Variants in ACTL6A observed in about 807,000 individuals in gnomAD.
ACTL6A encodes actin like 6A.
ACTL6A carries 5 observed loss-of-function variants against 59.2 expected under a neutral mutation model. That is an observed-to-expected ratio of 0.08 (90% CI 0.04 to 0.18). The LOEUF (loss-of-function observed/expected upper bound fraction) is 0.18, where lower values mean the gene tolerates loss of function less well. Among genes scored for constraint, ACTL6A ranks in the 10% least tolerant of loss-of-function variants. ACTL6A has a pLI of 1.00. For synonymous variants in ACTL6A, 154 were observed against 171.8 expected (o/e 0.90, Z 0.81); for missense variants, 285 against 526.9 (o/e 0.54, Z 4.49).
At chr3:179,563,880 G>A (rs1245707291) in intron 1 of ACTL6A, among the ~76,000 whole-genome samples, 1 of 152,096 alleles carries the variant, frequency 6.6e-6, no homozygotes, top group East Asian at 1.9e-4. Context: ...AGGTGCCGGG[G>A]GTTACAGACC....
chr3:179,562,997 G>A lies in ACTL6A; in HGVS notation c.-96G>A. ...AGGTGGGTGGCGGTGGAAGTTAAGGGAGTCAGGGGCTATCGCTCCTCGAGA... is the reference window on the plus strand; with the variant it reads ...AGGTGGGTGGCGGTGGAAGTTAAGGAAGTCAGGGGCTATCGCTCCTCGAGA... On this transcript the variant is annotated 5_prime_UTR_variant, in exon 1 of 14. Coordinates refer to ENST00000429709, the MANE Select transcript of ACTL6A (RefSeq NM_004301.5). 6.6e-7 allele frequency: 1 copy of A among 1,513,236 alleles called. No individual in the cohort carries two copies. Among genetic ancestry groups the A allele is most frequent in the Non-Finnish European group, 9.0e-7 (1 of 1,114,268 alleles). The allele number at this position is 1,513,236 out of a possible 1,614,324, so 93.7% of individuals were successfully genotyped here.
intron 8 of ACTL6A, among the ~76,000 whole-genome samples, chr3:179,578,960 G>A (rs1718251759): frequency 6.6e-6 from 1 of 152,020 alleles, no homozygotes; most frequent in Non-Finnish European, 1.5e-5. Context: ...GGCCAGGCTG[G>A]TCTCTAACCC....
intron 4 of ACTL6A, 143 bp from the exon 5 acceptor site, chr3:179,574,225 GAT>G (rs1718100261): frequency 2.2e-6 from 1 of 445,488 alleles, no homozygotes; most frequent in Admixed American, 3.8e-5. Context: ...ATTTTTATGA[GAT>G]ATTATGAAAG....
intron 9 of ACTL6A, 75 bp downstream of exon 9, chr3:179,580,776 GT>G: frequency 7.3e-7 from 1 of 1,364,686 alleles, no homozygotes; most frequent in Non-Finnish European, 1.0e-6. Flanking sequence ...ATTGAATAAT[GT>G]TTAAAATATT....
intron 1 of ACTL6A, among the ~76,000 whole-genome samples, chr3:179,563,981 A>G (rs1259436182): frequency 6.6e-6 from 1 of 152,158 alleles, no homozygotes; most frequent in African/African-American, 2.4e-5. Context: ...TTTATGGAAT[A>G]ATTCCTAGCC....
chr3:179,564,173 A>G (rs1717761733), intron 1 of ACTL6A, among the ~76,000 whole-genome samples: 1 of 152,174 alleles, frequency 6.6e-6, no homozygotes, highest in Admixed American at 6.5e-5. Flanking sequence ...TAATCGAAAC[A>G]CTGATACATA....
chr3:179,571,563 A>T (rs1319925105), intron 3 of ACTL6A, among the ~76,000 whole-genome samples: 1 of 152,244 alleles, frequency 6.6e-6, no homozygotes, highest in Non-Finnish European at 1.5e-5. Context: ...CTGAAGATTC[A>T]GATACAAAAC....
At chr3:179,582,360 C>T (rs1718363792) in intron 11 of ACTL6A, among the ~76,000 whole-genome samples, 1 of 152,156 alleles carries the variant, frequency 6.6e-6, no homozygotes, top group Non-Finnish European at 1.5e-5. Context: ...CCCACTAAAA[C>T]AGTTTGACAT....
chr3:179,583,994 G>A lies in ACTL6A; in HGVS notation c.1122+546G>A, dbSNP rs1268766136. On this transcript the variant is annotated intron_variant, in intron 12 of 13. Transcript: ENST00000429709. ...AAAGTAGTTGGCTTCTAGTCTTTAC[G>A]TAAGTGGGGAAAGCAATATGGCTAG... Among the ~76,000 whole-genome samples the A allele has an allele frequency of 3.9e-5, 6 of 152,180 alleles. No individual in the cohort carries two copies. The East Asian group carries it at 5.8e-4, about 15-fold the overall frequency.
chr3:179,587,584 T>TA (rs138883525), intron 13 of ACTL6A, among the ~76,000 whole-genome samples: 1 of 151,464 alleles, frequency 6.6e-6, no homozygotes, highest in Non-Finnish European at 1.5e-5. Flanking sequence ...AATAAGATAT[T>TA]AAAAAAAACG....
rs945382742 is a variant in ACTL6A at position 179,581,084 on chromosome 3, A to C, written c.946-56A>C. ...AGCTTTTGTGGCTAAAATGTTTTGG[A>C]TATGCTTTACTGTATGAAGAGCTTC... On this transcript the variant is annotated intron_variant, in intron 10 of 13. Coordinates refer to ENST00000429709, the MANE Select transcript of ACTL6A (RefSeq NM_004301.5). The C allele has an allele frequency of 3.7e-6, 6 of 1,601,690 alleles. No individual in the cohort carries two copies. In the Admixed American group the frequency reaches 5.0e-5, roughly 13 times the overall value.
chr3:179,563,531 G>A (rs1717736045), intron 1 of ACTL6A, among the ~76,000 whole-genome samples: 1 of 152,184 alleles, frequency 6.6e-6, no homozygotes, highest in African/African-American at 2.4e-5. Flanking sequence ...GCCTAAACTT[G>A]GAAGGTCCCG....
intron 1 of ACTL6A, among the ~76,000 whole-genome samples, chr3:179,566,506 G>A (rs183419956): frequency 6.6e-6 from 1 of 152,322 alleles, no homozygotes; most frequent in Admixed American, 6.5e-5. Flanking sequence ...CACAGTCTGT[G>A]TGGCTTAAAC....
At chr3:179,582,598 CCTAA>C (rs1270650846) in intron 11 of ACTL6A, among the ~76,000 whole-genome samples, 1 of 152,058 alleles carries the variant, frequency 6.6e-6, no homozygotes, top group African/African-American at 2.4e-5. Flanking sequence ...TTTTGAATAT[CCTAA>C]CTTACAGATA....
chr3:179,577,549 C>G (rs1303626397), intron 8 of ACTL6A, among the ~76,000 whole-genome samples: 1 of 151,886 alleles, frequency 6.6e-6, no homozygotes, highest in Non-Finnish European at 1.5e-5. Context: ...AATGGGTAAA[C>G]TCATGTCACG....
rs1443091566 is a variant in ACTL6A at position 179,569,894 on chromosome 3, C to T, written c.96C>T (p.Cys32=). 6.8e-6 allele frequency: 11 copies of T among 1,613,804 alleles called. No individual in the cohort carries two copies. In the African/African-American group the frequency reaches 1.1e-4, roughly 16 times the overall value. The stretch of plus-strand genomic sequence containing the variant: ...GAGCTGGTTATGCTGGTGAGGACTG[C>T]CCCAAGGTAAGTGTAATGTTAGAGT... The part of the protein sequence containing the change: ...TVRAGYAGED[C]PKVDFPTAIG... Residue 32 remains cysteine (C), a synonymous_variant, in exon 2 of 14, where the codon TGC becomes TGT. Coordinates refer to ENST00000429709, the MANE Select transcript of ACTL6A (RefSeq NM_004301.5).
At chr3:179,575,587 T>G (rs1718143520) in intron 5 of ACTL6A, 2 of 376,430 alleles carry the variant, frequency 5.3e-6, no homozygotes, top group Non-Finnish European at 1.0e-5. Flanking sequence ...AGTAAATATT[T>G]GATGAATGAG....
Position 179,563,130 on chromosome 3 carries a change from G to A in ACTL6A, c.25+13G>A, listed in dbSNP as rs900602133. On this transcript the variant is annotated intron_variant, in intron 1 of 13. Transcript: ENST00000429709. ...GTGTACGGGGGAGGTGAGTGAGTGCGGCCGGACGAGAGAGCGCGCCTTTTC... is the reference window on the plus strand; with the variant it reads ...GTGTACGGGGGAGGTGAGTGAGTGCAGCCGGACGAGAGAGCGCGCCTTTTC... 2 of 1,611,466 alleles carry A rather than the reference G, an allele frequency of 1.2e-6. No homozygotes were observed.
At chr3:179,573,238 G>A in intron 3 of ACTL6A, 131 bp from the exon 4 acceptor site, 1 of 577,220 alleles carries the variant, frequency 1.7e-6, no homozygotes, top group Non-Finnish European at 2.9e-6. Flanking sequence ...GTGGTATGAA[G>A]TTGATCTGTA....
Sources: gnomAD v4.1 joint callset for allele counts (sites outside exome capture counted in the v4.1 genomes callset) on GRCh38, gnomAD v4.1.1 for gene constraint, MANE v1.5 for transcripts, NCBI Gene and HGNC (gene_info 2026-07-23, HGNC 2026-07-21) for gene names.